Variants in COL6A3 observed in about 807,000 individuals in gnomAD.
The protein encoded by COL6A3 is collagen alpha-3(VI) chain.
In COL6A3, 137 loss-of-function variants were observed where a neutral mutation model predicts 274.1. The ratio of observed to expected loss-of-function variants is 0.50; its 90% CI spans 0.44 to 0.58. COL6A3 has a LOEUF of 0.58. Ranked by LOEUF, COL6A3 falls within the 20% of genes least tolerant of loss-of-function variation. COL6A3 has a pLI of 0.00. For missense variants in COL6A3, 3,950 were observed against 4,124.9 expected, an observed-to-expected ratio of 0.96 and a Z score of 1.16; for synonymous variants, 1,650 against 1,650.6, an observed-to-expected ratio of 1.00 and a Z score of 0.01.
At chr2:237,333,152 A>G (rs1164895001) in intron 42 of COL6A3, 1 of 457,920 alleles carries the variant, frequency 2.2e-6, no homozygotes, top group Non-Finnish European at 4.0e-6. Context: ...CCACAAATCA[A>G]CTCGAGTCCC....
In COL6A3 at chr2:237,407,598, A is replaced by C. The variant is rs1008061832; in HGVS notation, c.-31+6355T>G. Among the ~76,000 whole-genome samples, 2 of 152,270 alleles carry C rather than the reference A, an allele frequency of 1.3e-5. No individual in the cohort carries two copies. The highest frequency in any genetic ancestry group is 6.5e-5 in the Admixed American group (1 of 15,284). ...CTCCTCAGAGGTGGGTCTCCTTCCC[A>C]TTACAAAGGCAATTAAGAAACTCCA... On this transcript the variant is annotated intron_variant, in intron 1 of 43. Coordinates refer to ENST00000295550, the MANE Select transcript of COL6A3 (RefSeq NM_004369.4). The surrounding 1 kb of genome is among the most constrained non-coding windows in gnomAD (Gnocchi z 4.3).
chr2:237,359,312 G>C, intron 18 of COL6A3, 50 bp downstream of exon 18: 1 of 1,614,072 alleles, frequency 6.2e-7, no homozygotes, highest in South Asian at 1.1e-5. Context: ...GAAGAAATGA[G>C]AAATACTGGG....
chr2:237,344,062 T>G lies in COL6A3; in HGVS notation c.7668+288A>C. On this transcript the variant is annotated intron_variant, in intron 36 of 43. Transcript: ENST00000295550. This position sits in a 1 kb window ranked among gnomAD's most constrained non-coding sequence, Gnocchi z 4.8. ...AAGCAAACAAGTCACACCACCTTGT[T>G]AGTAGATAGAGAGTGTCACCAACAC... 1 of 496,906 alleles carries G rather than the reference T, an allele frequency of 2.0e-6. No homozygotes were observed. Among genetic ancestry groups the G allele is most frequent in the East Asian group, 3.9e-5 (1 of 25,678 alleles). The allele number at this position is 496,906 out of a possible 1,614,324, so 30.8% of individuals were successfully genotyped here. A position where few individuals can be genotyped will look rare whatever the true frequency, so the allele number is the denominator to read the frequency against.
intron 27 of COL6A3, among the ~76,000 whole-genome samples, chr2:237,350,516 C>T (rs1470018414): frequency 1.3e-5 from 2 of 152,184 alleles, no homozygotes; most frequent in African/African-American, 4.8e-5. Context: ...CCCCAAAACA[C>T]TCTCCAGGCA....
rs561305884 is a variant in COL6A3 at position 237,382,528 on chromosome 2, GC to G, written c.1313-1030del. ...TGCTGTATCCATGTGCAGGCACCCT[GC>G]CCATATTGCAAGAACCATGAACTCT... On this transcript the variant is annotated intron_variant, in intron 4 of 43. Coordinates refer to ENST00000295550, the MANE Select transcript of COL6A3 (RefSeq NM_004369.4). Among the ~76,000 whole-genome samples the G allele has an allele frequency of 2.5e-4, 38 of 152,328 alleles. No individual in the cohort carries two copies. In the South Asian group the frequency reaches 7.7e-3, roughly 31 times the overall value.
Position 237,403,434 on chromosome 2 carries a change from C to T in COL6A3, c.-30-6587G>A, listed in dbSNP as rs1483038557. 4.6e-5 allele frequency among the ~76,000 whole-genome samples: 7 copies of T among 152,132 alleles called. 1 individual carries two copies. The highest frequency in any genetic ancestry group is 8.8e-5 in the Non-Finnish European group (6 of 68,016). The stretch of plus-strand genomic sequence containing the variant: ...GATTCAGATTCTGAGAACTTGAAGC[C>T]ATGATCTCAGCAGCTAAAATAGAAC... On this transcript the variant is annotated intron_variant, in intron 1 of 43. Transcript: ENST00000295550.
chr2:237,371,636 TTTTAA>T lies in COL6A3; in HGVS notation c.4285+91_4285+95del. ...TAAAGGTAAGGGCATACAACCTTTA[TTTTAA>T]TTTAATTTATTATGAGTACCATGGC... is the stretch of plus-strand genomic sequence containing the variant. On this transcript the variant is annotated intron_variant, in intron 9 of 43. Transcript: ENST00000295550. This position sits in a 1 kb window ranked among gnomAD's most constrained non-coding sequence, Gnocchi z 4.3. 3 of 1,511,470 alleles carry T rather than the reference TTTTAA, an allele frequency of 2.0e-6. No individual in the cohort carries two copies. The highest frequency in any genetic ancestry group is 1.8e-4 in the Middle Eastern group (1 of 5,582). 93.6% of individuals were successfully genotyped at this position (1,511,470 alleles called of 1,614,324 possible). A position where few individuals can be genotyped will look rare whatever the true frequency, so the allele number is the denominator to read the frequency against.
chr2:237,371,781 G>A lies in COL6A3; in HGVS notation c.4236C>T (p.Thr1412=). 1.9e-6 allele frequency: 3 copies of A among 1,613,534 alleles called. No individual in the cohort carries two copies. Among genetic ancestry groups the A allele is most frequent in the Non-Finnish European group, 2.5e-6 (3 of 1,179,712 alleles). Residue 1412 remains threonine (T), a synonymous_variant, in exon 9 of 44, where the codon ACC becomes ACT. Coordinates refer to ENST00000295550, the MANE Select transcript of COL6A3 (RefSeq NM_004369.4). This position sits in a 1 kb window ranked among gnomAD's most constrained non-coding sequence, Gnocchi z 4.3. Reference sequence around the variant, plus strand: ...CTAAGAGCTTCTGGATCTGCTCTGAGGTCAGGGTCGTGATGGGCGTCAGCA... The same window carrying A: ...CTAAGAGCTTCTGGATCTGCTCTGAAGTCAGGGTCGTGATGGGCGTCAGCA... ...QKLLTPITTL[T]SEQIQKLLAS... is the part of the protein sequence containing the mutation.
At chr2:237,395,637 A>G (rs4663255) in intron 2 of COL6A3, among the ~76,000 whole-genome samples, 1,848 of 152,352 alleles carry the variant, frequency 0.012, 65 homozygotes, top group Admixed American at 0.059. Context: ...TTGACAAAAA[A>G]GGAAAAGTAA....
At chr2:237,331,888 T>C (rs1291206475) in intron 42 of COL6A3, among the ~76,000 whole-genome samples, 1 of 150,754 alleles carries the variant, frequency 6.6e-6, no homozygotes, top group Non-Finnish European at 1.5e-5. Flanking sequence ...AGAAAGGTTT[T>C]ATTTAGATTC....
Position 237,374,345 on chromosome 2 carries a change from C to T in COL6A3, c.3679+67G>A. ...AAGCAAAATTGAGAACACCTTGTGG[C>T]CCACAGTCCAGACAAGTAGCCCCAG... On this transcript the variant is annotated intron_variant, in intron 8 of 43. Transcript: ENST00000295550. This position sits in a 1 kb window ranked among gnomAD's most constrained non-coding sequence, Gnocchi z 4.8. The T allele has an allele frequency of 6.3e-7, 1 of 1,596,376 alleles. No homozygotes were observed. Among genetic ancestry groups the T allele is most frequent in the Non-Finnish European group, 8.5e-7 (1 of 1,175,556 alleles).
In COL6A3 at chr2:237,379,135, A is replaced by G. The variant is rs770081737; in HGVS notation, c.1998T>C (p.Val666=). 1 of 1,614,260 alleles carries G rather than the reference A, an allele frequency of 6.2e-7. No homozygotes were observed. Among genetic ancestry groups the G allele is most frequent in the Non-Finnish European group, 8.5e-7 (1 of 1,180,042 alleles). ...PYVRDFVMNL[V]NSLDIGNDNI... ...TGTCATTTCCAATATCAAGGCTGTTAACTAGGTTCATTACAAAGTCGCGCA... is the reference window on the plus strand; with the variant it reads ...TGTCATTTCCAATATCAAGGCTGTTGACTAGGTTCATTACAAAGTCGCGCA... The change falls in exon 6 of 44, where the codon GTT becomes GTC. Residue 666 remains valine (V), a synonymous_variant. Coordinates refer to ENST00000295550, the MANE Select transcript of COL6A3 (RefSeq NM_004369.4).
chr2:237,366,100 C>A, intron 11 of COL6A3, 65 bp from the exon 12 acceptor site: 1 of 1,440,740 alleles, frequency 6.9e-7, no homozygotes, highest in Non-Finnish European at 9.8e-7. Context: ...TCTACTTATA[C>A]CAGCAGTAGG....
chr2:237,360,162 G>A lies in COL6A3; in HGVS notation c.6211-3C>T, dbSNP rs139622600. ...ACACCAGGCGGACCACGCTCACCCTGTTGTGAGAGACAAAGGCATTTTGCA... is the reference window on the plus strand; with the variant it reads ...ACACCAGGCGGACCACGCTCACCCTATTGTGAGAGACAAAGGCATTTTGCA... On this transcript the variant is annotated splice_polypyrimidine_tract_variant and splice_region_variant and intron_variant, in intron 16 of 43. Coordinates refer to ENST00000295550, the MANE Select transcript of COL6A3 (RefSeq NM_004369.4). 1,113 of 1,614,096 alleles carry A rather than the reference G, an allele frequency of 6.9e-4. 6 individuals are homozygous for A. The African/African-American group carries it at 0.013, about 18-fold the overall frequency.
At chr2:237,410,918 T>C (rs1468239567) in intron 1 of COL6A3, among the ~76,000 whole-genome samples, 1 of 152,254 alleles carries the variant, frequency 6.6e-6, no homozygotes. Context: ...GTCTAGTTCA[T>C]GGCTGTCTGA....
rs1307021939 is a variant in COL6A3, at chr2:237,394,984, A to T, written c.312T>A (p.Ser104=). ...CAATATAAGACATGTTGGAAATATG[A>T]GAAAGGACTTCTTGTTTAGTACGAT... ...NTYRTKQEVL[S]HISNMSYIGG... Residue 104 remains serine, a synonymous_variant, in exon 3 of 44, where the codon TCT becomes TCA. Transcript: ENST00000295550. 1 of 1,614,072 alleles carries T rather than the reference A, an allele frequency of 6.2e-7. No individual in the cohort carries two copies. The highest frequency in any genetic ancestry group is 8.5e-7 in the Non-Finnish European group (1 of 1,180,048).
chr2:237,387,900 T>C lies in COL6A3; in HGVS notation c.994A>G (p.Asn332Asp). The C allele has an allele frequency of 1.2e-6, 2 of 1,614,056 alleles. No individual in the cohort carries two copies. The highest frequency in any genetic ancestry group is 1.7e-6 in the Non-Finnish European group (2 of 1,179,980). ...CTGCCCCCTGCCCGGGTGAAGTGGT[T>C]CTCCACCACGAAATCAAGGGCGAGG... ...IGLALDFVVENHFTRAGGSRV... is the reference protein window; with the variant it reads ...IGLALDFVVEDHFTRAGGSRV... The change falls in exon 4 of 44, where the codon AAC becomes GAC. Residue 332 changes from asparagine (N) to aspartate (D), a missense_variant. Asn to Asp is a conservative substitution (Grantham distance 23). This residue lies in a region of COL6A3 where 1,934 missense variants were observed against 1,984.3 expected (regional missense o/e 0.97). Coordinates refer to ENST00000295550, the MANE Select transcript of COL6A3 (RefSeq NM_004369.4).
Position 237,378,852 on chromosome 2 carries a change from G to T in COL6A3, c.2281C>A (p.Gln761Lys), listed in dbSNP as rs1010377443. ...TAGQSEDSYL[Q>K]AANALTRAGI... Reference sequence around the variant, plus strand: ...GCGCGTGTCAAGGCGTTGGCAGCTTGCAAATAGGAGTCCTCAGACTGCCCA... The same window carrying T: ...GCGCGTGTCAAGGCGTTGGCAGCTTTCAAATAGGAGTCCTCAGACTGCCCA... Residue 761 changes from glutamine to lysine, a missense_variant, in exon 6 of 44, where the codon CAA becomes AAA. Around this residue, in one of 5 missense-constraint regions of COL6A3, gnomAD observed 1,934 missense variants for 1,984.3 expected, o/e 0.97. Transcript: ENST00000295550. 1 of 1,614,120 alleles carries T rather than the reference G, an allele frequency of 6.2e-7. No homozygotes were observed. The highest frequency in any genetic ancestry group is 8.5e-7 in the Non-Finnish European group (1 of 1,180,054).
chr2:237,350,035 C>T, intron 28 of COL6A3, 112 bp downstream of exon 28: 2 of 1,008,410 alleles, frequency 2.0e-6, no homozygotes, highest in Non-Finnish European at 3.2e-6. Context: ...CAGCCGTATC[C>T]CCAATAATAC....
Sources: allele counts gnomAD v4.1 joint callset (sites outside exome capture counted in the v4.1 genomes callset), GRCh38; gene constraint gnomAD v4.1.1; regional missense constraint gnomAD v4.1.1; non-coding constraint Gnocchi (gnomAD v3.1); transcripts MANE v1.5; gene names NCBI Gene and HGNC (gene_info 2026-07-23, HGNC 2026-07-21).